The following ARSF variants were observed in gnomAD, a reference collection of about 807,000 sequenced individuals.
ARSF encodes arylsulfatase F.
ARSF carries 33 observed loss-of-function variants against 35.4 expected under a neutral mutation model. The ratio of observed to expected loss-of-function variants is 0.93; its 90% CI spans 0.71 to 1.25. The LOEUF (loss-of-function observed/expected upper bound fraction) is 1.25, where lower values mean the gene tolerates loss of function less well. Among genes scored for constraint, ARSF ranks in the 50% most tolerant of loss-of-function variants. The pLI is 0.00. For missense variants in ARSF, 501 were observed against 480.2 expected, an observed-to-expected ratio of 1.04 and a Z score of -0.40; for synonymous variants, 222 against 193.1, an observed-to-expected ratio of 1.15 and a Z score of -1.24.
At chrX:3,043,080 G>C (rs768768272) in intron 1 of ARSF, among the ~76,000 whole-genome samples, 1 of 110,901 alleles carries the variant, frequency 9.0e-6, no homozygotes, top group Non-Finnish European at 1.9e-5. Context: ...GCTTGCACCC[G>C]GGAGGCAGAG....
intron 1 of ARSF, among the ~76,000 whole-genome samples, chrX:3,063,690 G>T (rs1164194681): frequency 9.0e-6 from 1 of 111,501 alleles, no homozygotes; most frequent in Non-Finnish European, 1.9e-5. Flanking sequence ...AATCATGAGT[G>T]AACTCCCATT....
intron 1 of ARSF, among the ~76,000 whole-genome samples, chrX:3,043,676 C>G (rs2089963959): frequency 9.0e-6 from 1 of 111,126 alleles, no homozygotes; most frequent in South Asian, 3.8e-4. Flanking sequence ...AATTAATAGT[C>G]TAAAGGAAGA....
intron 6 of ARSF, among the ~76,000 whole-genome samples, chrX:3,086,628 C>T (rs1276210773): frequency 9.8e-6 from 1 of 102,116 alleles, no homozygotes; most frequent in Non-Finnish European, 2.0e-5. Context: ...CCAGCCAAAG[C>T]AACATATGGG....
chrX:3,044,953 T>C (rs186320850), intron 1 of ARSF, among the ~76,000 whole-genome samples: 3 of 109,779 alleles, frequency 2.7e-5, no homozygotes, highest in African/African-American at 9.9e-5. Flanking sequence ...TAGATTAAAT[T>C]AGGCAATCCT....
At chrX:3,083,388 C>T (rs191039189) in intron 5 of ARSF, among the ~76,000 whole-genome samples, 1 of 110,674 alleles carries the variant, frequency 9.0e-6, no homozygotes, top group African/African-American at 3.3e-5. Context: ...AGTCATCTAT[C>T]GATCCATCCA....
chrX:3,082,950 C>T (rs1266162927), intron 5 of ARSF, among the ~76,000 whole-genome samples: 14 of 109,611 alleles, frequency 1.3e-4, no homozygotes, highest in Non-Finnish European at 2.1e-4. Flanking sequence ...TTATTTGAAT[C>T]TGTCCTATCC....
chrX:3,106,830 C>T (rs2090414129), intron 9 of ARSF, among the ~76,000 whole-genome samples: 1 of 111,643 alleles, frequency 9.0e-6, no homozygotes, highest in Non-Finnish European at 1.9e-5. Flanking sequence ...AATGGTTTAT[C>T]AAAGTGTTGG....
At position 3,091,561 on chromosome X, in the gene ARSF, C is replaced by T. The variant is rs1178931135; in HGVS notation, c.967+1929C>T. Among the ~76,000 whole-genome samples the T allele has an allele frequency of 4.4e-5, 5 of 112,639 alleles. No individual in the cohort carries two copies. In the South Asian group the frequency reaches 1.1e-3, roughly 25 times the overall value. On this transcript the variant is annotated intron_variant, in intron 7 of 10. Coordinates refer to ENST00000381127, the MANE Select transcript of ARSF (RefSeq NM_001201539.2). ...AAATATATGTCACTAAATAGAAAGA[C>T]GCTTTGGAAAATTAAGCCTGGAAAA... is the stretch of plus-strand genomic sequence containing the variant.
chrX:3,076,662 C>T lies in ARSF; in HGVS notation c.276C>T (p.Ile92=). 2 of 1,211,167 alleles carry T rather than the reference C, an allele frequency of 1.7e-6. No homozygotes were observed. Among genetic ancestry groups the T allele is most frequent in the Non-Finnish European group, 2.2e-6 (2 of 895,218 alleles). The change falls in exon 4 of 11, where the codon ATC becomes ATT. Residue 92 remains isoleucine, a synonymous_variant. Transcript: ENST00000381127. ...RSAFLTGRYP[I]RSGMVSSGNR... ...CGTTCTTGACGGGAAGATACCCCAT[C>T]CGATCAGGTGCGCAAACTGGCGGGC...
chrX:3,104,012 G>A, intron 9 of ARSF, 88 bp downstream of exon 9: 1 of 974,380 alleles, frequency 1.0e-6, no homozygotes, highest in East Asian at 3.2e-5. Flanking sequence ...ACTCTATCCT[G>A]GCAGACCCAC....
At chrX:3,079,252 G>C (rs1019289166) in intron 4 of ARSF, among the ~76,000 whole-genome samples, 3 of 110,310 alleles carry the variant, frequency 2.7e-5, no homozygotes, top group African/African-American at 9.9e-5. Flanking sequence ...GTTTTTCTTT[G>C]AATACCAGTT....
intron 1 of ARSF, among the ~76,000 whole-genome samples, chrX:3,056,263 A>T (rs1020562738): frequency 5.3e-4 from 56 of 105,950 alleles, no homozygotes; most frequent in Non-Finnish European, 9.8e-4. Flanking sequence ...GCCGGGTCGC[A>T]CCATCATTCC....
chrX:3,100,109 A>C (rs1341466213), intron 7 of ARSF, among the ~76,000 whole-genome samples: 1 of 112,291 alleles, frequency 8.9e-6, no homozygotes, highest in Non-Finnish European at 1.9e-5. Flanking sequence ...TTTTGAATAC[A>C]TTCTTCCTCT....
At chrX:3,040,678 TG>T (rs2089951825), upstream of ARSF, among the ~76,000 whole-genome samples, 1 of 110,526 alleles carries the variant, frequency 9.0e-6, no homozygotes, top group Non-Finnish European at 1.9e-5. Context: ...AGGGGTTGAG[TG>T]GGAGTCTCTG....
intron 7 of ARSF, among the ~76,000 whole-genome samples, chrX:3,091,491 G>C (rs924247888): frequency 1.2e-3 from 134 of 112,488 alleles, no homozygotes; most frequent in African/African-American, 4.2e-3. Context: ...CATATATGCA[G>C]GACACAAATT....
rs941629554 is a variant in ARSF at position 3,073,669 on chromosome X, A to AAT, written c.161+1500_161+1501dup. 9.2e-3 allele frequency among the ~76,000 whole-genome samples: 922 copies of AAT among 100,258 alleles called. 11 individuals carry two copies. The highest frequency in any genetic ancestry group is 0.014 in the Non-Finnish European group (721 of 49,791). 87.1% of individuals were successfully genotyped at this position (100,258 alleles called of 115,157 possible). A position where few individuals can be genotyped will look rare whatever the true frequency, so the allele number is the denominator to read the frequency against. ...ATATATAATTATAAATATATAATTA[A>AAT]ATATATAATTAATAAATATATATTA... is the stretch of plus-strand genomic sequence containing the variant. On this transcript the variant is annotated intron_variant, in intron 3 of 10. Transcript: ENST00000381127.
At chrX:3,041,847 AAAT>A (rs1238752577) in intron 1 of ARSF, among the ~76,000 whole-genome samples, 184 bp downstream of exon 1, 1 of 112,544 alleles carries the variant, frequency 8.9e-6, no homozygotes, top group African/African-American at 3.2e-5. Context: ...CTCATAAATT[AAAT>A]AATAAGCCAA....
At chrX:3,078,790 G>T (rs899298230) in intron 4 of ARSF, among the ~76,000 whole-genome samples, 2 of 111,435 alleles carry the variant, frequency 1.8e-5, no homozygotes, top group African/African-American at 6.5e-5. Flanking sequence ...ATGAGCCACC[G>T]TGCCTGGCCA....
intron 9 of ARSF, among the ~76,000 whole-genome samples, chrX:3,109,024 GA>G (rs944207302): frequency 1.2e-4 from 13 of 108,547 alleles, no homozygotes; most frequent in Admixed American, 5.9e-4. Flanking sequence ...CTCCAAGAAA[GA>G]AAAAAAAATC....
Sources: allele counts gnomAD v4.1 joint callset (sites outside exome capture counted in the v4.1 genomes callset), GRCh38; gene constraint gnomAD v4.1.1; transcripts MANE v1.5; gene names NCBI Gene and HGNC (gene_info 2026-07-23, HGNC 2026-07-21).